RELN: variants seen among roughly 807,000 people sequenced by gnomAD.
RELN encodes reelin.
A neutral mutation model predicts 427.6 loss-of-function variants in RELN; 108 were observed. That is an observed-to-expected ratio of 0.25 (90% CI 0.22 to 0.30). RELN has a LOEUF of 0.30. RELN is among the 10% of genes least tolerant of loss of function. RELN has a pLI of 1.00. For missense variants in RELN, 3,715 were observed against 4,302.8 expected (o/e 0.86, Z 3.82); for synonymous variants, 1,524 against 1,513.4 (o/e 1.01, Z -0.16).
chr7:103,572,057 C>T lies in RELN; in HGVS notation c.4588+127G>A, dbSNP rs566232111. 1.1e-4 allele frequency: 74 copies of T among 703,656 alleles called. No individual in the cohort carries two copies. The African/African-American group carries it at 1.2e-3, about 11-fold the overall frequency. 43.6% of individuals were successfully genotyped at this position (703,656 alleles called of 1,614,324 possible). A position where few individuals can be genotyped will look rare whatever the true frequency, so the allele number is the denominator to read the frequency against. Reference sequence around the variant, plus strand: ...CTGTGCAGCCACCGATTCTACAAAGCAGAAGAGAAGAGAAGGAATGATTCA... The same window carrying T: ...CTGTGCAGCCACCGATTCTACAAAGTAGAAGAGAAGAGAAGGAATGATTCA... On this transcript the variant is annotated intron_variant, in intron 31 of 64. Transcript: ENST00000428762.
At chr7:103,790,793 C>A (rs1339904134) in intron 3 of RELN, among the ~76,000 whole-genome samples, 3 of 152,002 alleles carry the variant, frequency 2.0e-5, no homozygotes, top group Admixed American at 6.6e-5. Context: ...GAAACCCTGT[C>A]TCTACTGAAA....
At chr7:103,919,551 T>C (rs1795567079) in intron 1 of RELN, among the ~76,000 whole-genome samples, 1 of 152,168 alleles carries the variant, frequency 6.6e-6, no homozygotes, top group South Asian at 2.1e-4. Context: ...CTGCAGTTTT[T>C]GGTTTTCACA....
chr7:103,614,993 T>C (rs1439581802), intron 20 of RELN, among the ~76,000 whole-genome samples: 1 of 152,146 alleles, frequency 6.6e-6, no homozygotes, highest in East Asian at 1.9e-4. Context: ...TTGCTGCTTG[T>C]CTAAATCAAG....
chr7:103,978,915 G>T (rs1049414789), intron 1 of RELN, among the ~76,000 whole-genome samples: 12 of 152,132 alleles, frequency 7.9e-5, no homozygotes, highest in Non-Finnish European at 1.5e-4. Context: ...GAGGCTCACA[G>T]ATTTGCACAT....
chr7:103,524,484 C>CA (rs1829781391), intron 46 of RELN, among the ~76,000 whole-genome samples: 3 of 152,066 alleles, frequency 2.0e-5, no homozygotes, highest in Admixed American at 2.0e-4. Flanking sequence ...GTGTCTTGCT[C>CA]AAAAATACAA....
intron 2 of RELN, among the ~76,000 whole-genome samples, chr7:103,854,559 G>C (rs1793899138): frequency 6.6e-6 from 1 of 152,064 alleles, no homozygotes; most frequent in Non-Finnish European, 1.5e-5. Context: ...ATGAATTAAG[G>C]GATTAAGAGA....
At chr7:103,723,334 T>C (rs1159012716) in intron 7 of RELN, 143 bp from the exon 8 acceptor site, 1 of 660,500 alleles carries the variant, frequency 1.5e-6, no homozygotes, top group East Asian at 2.8e-5. Flanking sequence ...ATCCAGTTGT[T>C]AGTTCATTTT....
At chr7:103,687,183 A>G (rs923762843) in intron 10 of RELN, among the ~76,000 whole-genome samples, 4 of 152,194 alleles carry the variant, frequency 2.6e-5, no homozygotes, top group Admixed American at 2.6e-4. Context: ...ATAGTGACAG[A>G]TTTGAATTGG....
At chr7:103,877,018 C>G (rs1794495669) in intron 2 of RELN, among the ~76,000 whole-genome samples, 1 of 152,038 alleles carries the variant, frequency 6.6e-6, no homozygotes, top group East Asian at 1.9e-4. Flanking sequence ...GAAATGCTCT[C>G]TTCCTCAGCC....
intron 16 of RELN, among the ~76,000 whole-genome samples, chr7:103,649,631 G>T (rs1832871069): frequency 6.6e-6 from 1 of 150,576 alleles, no homozygotes; most frequent in South Asian, 2.1e-4. Context: ...ACAAGTATAA[G>T]AAATGTACAG....
intron 4 of RELN, among the ~76,000 whole-genome samples, chr7:103,769,150 A>AGGTCCC (rs1791501734): frequency 2.6e-5 from 4 of 152,168 alleles, no homozygotes; most frequent in Admixed American, 2.6e-4. Flanking sequence ...GGACTCTGGA[A>AGGTCCC]AGTAAGGTCA....
intron 1 of RELN, among the ~76,000 whole-genome samples, chr7:103,955,748 C>A (rs1321930188): frequency 6.6e-6 from 1 of 152,148 alleles, no homozygotes; most frequent in Non-Finnish European, 1.5e-5. Context: ...ACAAGAAACT[C>A]CATGTGAAAC....
At chr7:103,798,501 A>G (rs779961549) in intron 3 of RELN, among the ~76,000 whole-genome samples, 37 of 152,188 alleles carry the variant, frequency 2.4e-4, no homozygotes, top group Non-Finnish European at 4.0e-4. Context: ...TAAACCAGTT[A>G]TAAGGCCAGG....
chr7:103,612,362 G>A (rs1417596561), intron 20 of RELN, among the ~76,000 whole-genome samples: 23 of 144,144 alleles, frequency 1.6e-4, no homozygotes, highest in Admixed American at 1.1e-3. Context: ...CGCAACCTCC[G>A]CCCCCCTGGT....
At chr7:103,886,787 T>C (rs1794733797) in intron 2 of RELN, among the ~76,000 whole-genome samples, 1 of 152,206 alleles carries the variant, frequency 6.6e-6, no homozygotes, top group Non-Finnish European at 1.5e-5. Context: ...AATAATTCTA[T>C]ACTCACAATG....
intron 50 of RELN, among the ~76,000 whole-genome samples, chr7:103,511,461 A>G (rs1280444749): frequency 6.6e-6 from 1 of 152,164 alleles, no homozygotes; most frequent in African/African-American, 2.4e-5. Flanking sequence ...AATACCGGAT[A>G]GGGAATAGAG....
At position 103,483,775 on chromosome 7, in the gene RELN, G is replaced by T; in HGVS notation, c.10059C>A (p.His3353Gln). 1.9e-6 allele frequency: 3 copies of T among 1,614,086 alleles called. No individual in the cohort carries two copies. Among genetic ancestry groups the T allele is most frequent in the South Asian group, 2.2e-5 (2 of 91,082 alleles). Reference sequence around the variant, plus strand: ...GCAGCAGCACTGCCTTGTCCACAGCGTGGGGGCCACTCAGGTCACTGTTGC... The same window carrying T: ...GCAGCAGCACTGCCTTGTCCACAGCTTGGGGGCCACTCAGGTCACTGTTGC... ...DSCNSDLSGP[H>Q]AVDKAVLLQY... Residue 3353 changes from histidine to glutamine, a missense_variant, in exon 62 of 65, where the codon CAC becomes CAA. Transcript: ENST00000428762.
intron 2 of RELN, among the ~76,000 whole-genome samples, chr7:103,911,976 C>T (rs1795377513): frequency 6.6e-6 from 1 of 151,010 alleles, no homozygotes; most frequent in Non-Finnish European, 1.5e-5. Flanking sequence ...GCACAATGTG[C>T]ACATGTACCC....
chr7:103,806,212 C>G (rs1221437061), intron 3 of RELN, among the ~76,000 whole-genome samples: 1 of 152,120 alleles, frequency 6.6e-6, no homozygotes, highest in Non-Finnish European at 1.5e-5. Flanking sequence ...CACCAGATGA[C>G]TGTTATATCT....
Sources: allele counts gnomAD v4.1 joint callset (sites outside exome capture counted in the v4.1 genomes callset), GRCh38; gene constraint gnomAD v4.1.1; transcripts MANE v1.5; gene names NCBI Gene and HGNC (gene_info 2026-07-23, HGNC 2026-07-21).